PKP4: variants seen among roughly 807,000 people sequenced by gnomAD.
The protein encoded by PKP4 is plakophilin-4.
Under a neutral mutation model 145.1 loss-of-function variants are expected in PKP4, and 90 were observed. The observed-to-expected ratio is 0.62, with a 90% CI of 0.52 to 0.74. The LOEUF (loss-of-function observed/expected upper bound fraction) is 0.74, where lower values mean the gene tolerates loss of function less well. Ranked by LOEUF, PKP4 falls within the 30% of genes least tolerant of loss-of-function variation. The pLI, the probability that PKP4 is intolerant of heterozygous loss-of-function variation, is 0.00. For missense variants in PKP4, 1,340 were observed against 1,482.7 expected, an observed-to-expected ratio of 0.90 and a Z score of 1.58; for synonymous variants, 563 against 577.2, an observed-to-expected ratio of 0.98 and a Z score of 0.35.
At chr2:158,607,667 A>G (rs1252110404) in intron 4 of PKP4, among the ~76,000 whole-genome samples, 2 of 152,072 alleles carry the variant, frequency 1.3e-5, no homozygotes, top group Non-Finnish European at 2.9e-5. Context: ...CCAGAGAAAT[A>G]CCCTGATTTC....
At chr2:158,637,541 C>T (rs2053910723) in intron 9 of PKP4, among the ~76,000 whole-genome samples, 1 of 152,204 alleles carries the variant, frequency 6.6e-6, no homozygotes, top group African/African-American at 2.4e-5. Flanking sequence ...TCGCTCCCTG[C>T]CTCAGCTCAC....
intron 2 of PKP4, among the ~76,000 whole-genome samples, chr2:158,559,216 C>T (rs978239565): frequency 5.9e-5 from 9 of 152,102 alleles, no homozygotes; most frequent in African/African-American, 2.2e-4. Context: ...CCACTTTTCT[C>T]GCCACTAGTC....
chr2:158,602,539 C>A (rs2105848718), intron 3 of PKP4, among the ~76,000 whole-genome samples: 1 of 152,214 alleles, frequency 6.6e-6, no homozygotes, highest in South Asian at 2.1e-4. Context: ...CTCTAATAAC[C>A]AAGGAAAATA....
chr2:158,529,353 T>A (rs1275814182), intron 1 of PKP4, among the ~76,000 whole-genome samples: 2 of 152,224 alleles, frequency 1.3e-5, no homozygotes, highest in Non-Finnish European at 2.9e-5. Flanking sequence ...CTTCTTCAGG[T>A]CAAACTTTCT....
chr2:158,670,467 G>C (rs1370388698), intron 17 of PKP4, among the ~76,000 whole-genome samples: 3 of 152,108 alleles, frequency 2.0e-5, no homozygotes, highest in African/African-American at 7.2e-5. Flanking sequence ...TCACCTTGGG[G>C]GTTGGAATTT....
At chr2:158,633,648 A>G (rs997260841) in intron 8 of PKP4, among the ~76,000 whole-genome samples, 4 of 152,278 alleles carry the variant, frequency 2.6e-5, no homozygotes, top group Admixed American at 2.0e-4. Context: ...GTAGAATAAA[A>G]TAAGTAACCT....
intron 3 of PKP4, among the ~76,000 whole-genome samples, chr2:158,581,210 G>A (rs976184205): frequency 9.2e-5 from 14 of 152,130 alleles, no homozygotes; most frequent in African/African-American, 2.9e-4. Context: ...CCCCCTTTCC[G>A]GTATGCCATT....
chr2:158,478,528 A>C (rs182159680), intron 1 of PKP4, among the ~76,000 whole-genome samples: 2 of 152,340 alleles, frequency 1.3e-5, no homozygotes, highest in Admixed American at 1.3e-4. Flanking sequence ...CTGCCTTGGC[A>C]ATAGCTCATC....
chr2:158,679,011 T>A (rs2058253978), intron 21 of PKP4: 2 of 276,880 alleles, frequency 7.2e-6, no homozygotes, highest in South Asian at 1.1e-4. Context: ...GCACACTTCA[T>A]GCCCTCATCA....
intron 1 of PKP4, among the ~76,000 whole-genome samples, chr2:158,479,104 A>T (rs1300606969): frequency 6.6e-6 from 1 of 152,074 alleles, no homozygotes; most frequent in African/African-American, 2.4e-5. Context: ...TTATTTTTCC[A>T]TTAGTAGGAG....
intron 1 of PKP4, among the ~76,000 whole-genome samples, chr2:158,466,946 A>G (rs1299959998): frequency 6.6e-6 from 1 of 152,244 alleles, no homozygotes; most frequent in Non-Finnish European, 1.5e-5. Context: ...GAGTTAAGAC[A>G]GAAGTAGATA....
At chr2:158,569,563 A>G (rs1211090192) in intron 2 of PKP4, among the ~76,000 whole-genome samples, 8 of 152,156 alleles carry the variant, frequency 5.3e-5, no homozygotes. Context: ...AAGTGATTAA[A>G]ATTTTGTTTT....
intron 2 of PKP4, among the ~76,000 whole-genome samples, chr2:158,546,317 T>C (rs1021365058): frequency 1.3e-5 from 2 of 152,234 alleles, no homozygotes; most frequent in African/African-American, 4.8e-5. Context: ...TTATTCTCTT[T>C]GCAAGATTAT....
intron 13 of PKP4, chr2:158,662,123 G>A (rs990194437): frequency 2.6e-5 from 4 of 152,648 alleles, no homozygotes; most frequent in African/African-American, 9.6e-5. Context: ...GGATGGACTG[G>A]ACTAGGAGAG....
chr2:158,627,113 C>T (rs2052874504), intron 7 of PKP4, among the ~76,000 whole-genome samples: 2 of 152,134 alleles, frequency 1.3e-5, no homozygotes, highest in South Asian at 2.1e-4. Flanking sequence ...GAAACCACCT[C>T]TTTTTCATTC....
intron 2 of PKP4, among the ~76,000 whole-genome samples, chr2:158,575,793 CA>C (rs201844281): frequency 2.8e-5 from 4 of 144,506 alleles, no homozygotes; most frequent in South Asian, 2.3e-4. Flanking sequence ...AAGTCTATAA[CA>C]AAAAAAACAA....
At chr2:158,494,443 G>A (rs1430584114) in intron 1 of PKP4, among the ~76,000 whole-genome samples, 1 of 152,086 alleles carries the variant, frequency 6.6e-6, no homozygotes, top group African/African-American at 2.4e-5. Flanking sequence ...GTAGATGAGC[G>A]AATTATGAAC....
chr2:158,502,365 G>T (rs1172357810), intron 1 of PKP4, among the ~76,000 whole-genome samples: 3 of 152,142 alleles, frequency 2.0e-5, no homozygotes, highest in Non-Finnish European at 2.9e-5. Flanking sequence ...CGCAGTAGGG[G>T]AGGGATCCCC....
chr2:158,531,935 G>T (rs2043591467), intron 1 of PKP4, among the ~76,000 whole-genome samples: 1 of 152,162 alleles, frequency 6.6e-6, no homozygotes, highest in African/African-American at 2.4e-5. Context: ...TATTAATATG[G>T]CAAGAATAAA....
Sources: gnomAD v4.1 joint callset for allele counts (sites outside exome capture counted in the v4.1 genomes callset) on GRCh38, gnomAD v4.1.1 for gene constraint, MANE v1.5 for transcripts, NCBI Gene and HGNC (gene_info 2026-07-23, HGNC 2026-07-21) for gene names.